SIL1: variants seen among roughly 807,000 people sequenced by gnomAD.
SIL1 encodes the protein SIL1 nucleotide exchange factor, also known as nucleotide exchange factor SIL1.
SIL1 carries 40 observed loss-of-function variants against 49.1 expected under a neutral mutation model. The ratio of observed to expected loss-of-function variants is 0.81; its 90% CI spans 0.63 to 1.06. SIL1 has a LOEUF of 1.06. Ranked by LOEUF, SIL1 falls within the 50% of genes least tolerant of loss-of-function variation. SIL1 has a pLI of 0.00. For synonymous variants in SIL1, 253 were observed against 250.8 expected (o/e 1.01, Z -0.08); for missense variants, 500 against 572.6 (o/e 0.87, Z 1.29).
chr5:139,165,194 A>G (rs1258113922), intron 1 of SIL1, among the ~76,000 whole-genome samples: 1 of 152,228 alleles, frequency 6.6e-6, no homozygotes, highest in Non-Finnish European at 1.5e-5. Flanking sequence ...CTTGGTCTCC[A>G]CAATCCTTTA....
intron 3 of SIL1, among the ~76,000 whole-genome samples, chr5:139,095,848 A>T (rs1005297950): frequency 2.6e-5 from 4 of 152,010 alleles, no homozygotes; most frequent in East Asian, 1.9e-4. Context: ...AAAAAAAAAA[A>T]TTTAAAGAAA....
chr5:138,981,891 C>T (rs947803791), intron 7 of SIL1, among the ~76,000 whole-genome samples: 1 of 152,112 alleles, frequency 6.6e-6, no homozygotes, highest in Non-Finnish European at 1.5e-5. Flanking sequence ...GGTTAGAAGT[C>T]TGGCTTTGAA....
At chr5:139,067,008 T>C (rs1299623056) in intron 3 of SIL1, among the ~76,000 whole-genome samples, 4 of 152,230 alleles carry the variant, frequency 2.6e-5, no homozygotes, top group Non-Finnish European at 5.9e-5. Context: ...GTATTATTCT[T>C]GAAGTCAGAA....
intron 1 of SIL1, among the ~76,000 whole-genome samples, chr5:139,196,061 G>A (rs191011854): frequency 2.0e-5 from 3 of 152,222 alleles, no homozygotes; most frequent in Admixed American, 6.5e-5. Context: ...CTGGTGGTGC[G>A]CCCCTGTAGT....
At chr5:139,137,478 C>T (rs1477284756) in intron 1 of SIL1, 7 of 561,282 alleles carry the variant, frequency 1.2e-5, no homozygotes, top group Non-Finnish European at 1.9e-5. Context: ...ATTTGTTCTG[C>T]AACAGTATAA....
At chr5:139,047,024 A>G (rs1769182209) in intron 4 of SIL1, among the ~76,000 whole-genome samples, 1 of 152,140 alleles carries the variant, frequency 6.6e-6, no homozygotes, top group African/African-American at 2.4e-5. Flanking sequence ...TGGGCACTCA[A>G]TAGGTTTTTG....
intron 1 of SIL1, among the ~76,000 whole-genome samples, chr5:139,163,691 T>C (rs984104791): frequency 6.6e-6 from 1 of 152,176 alleles, no homozygotes; most frequent in Non-Finnish European, 1.5e-5. Flanking sequence ...TTTTAATTTA[T>C]CAGTTATTAA....
At position 139,121,098 on chromosome 5, in the gene SIL1, C is replaced by T. The variant is rs1403348127; in HGVS notation, c.181G>A (p.Glu61Lys). The change falls in exon 3 of 10, where the codon GAG (glutamate) becomes AAG (lysine). Residue 61 changes from glutamate to lysine, a missense_variant. Coordinates refer to ENST00000394817, the MANE Select transcript of SIL1 (RefSeq NM_022464.5). ...ACCTCCAGGACTTCGGCATCCAGCT[C>T]CTCCTCGGCTTTGGTTTCTTTTCTC... ...TERKETKAEE[E>K]LDAEVLEVFH... 6.2e-6 allele frequency: 10 copies of T among 1,614,198 alleles called. No individual in the cohort carries two copies. Among genetic ancestry groups the T allele is most frequent in the Non-Finnish European group, 8.5e-6 (10 of 1,180,034 alleles).
chr5:139,027,035 T>A, intron 5 of SIL1, 43 bp from the exon 6 acceptor site: 1 of 1,601,702 alleles, frequency 6.2e-7, no homozygotes, highest in South Asian at 1.1e-5. Context: ...GTTGGAGACA[T>A]CTGCCCAAGA....
At chr5:138,965,989 T>C (rs960874788) in intron 7 of SIL1, among the ~76,000 whole-genome samples, 1 of 151,986 alleles carries the variant, frequency 6.6e-6, no homozygotes. Flanking sequence ...CTTAAAAGTA[T>C]CCCATTTTGG....
intron 3 of SIL1, among the ~76,000 whole-genome samples, chr5:139,112,035 C>T (rs946821720): frequency 1.3e-5 from 2 of 152,202 alleles, no homozygotes; most frequent in African/African-American, 2.4e-5. Context: ...TTGCTGGAGA[C>T]GGGGTTTCGC....
chr5:139,161,815 C>G (rs1160865093), intron 1 of SIL1, among the ~76,000 whole-genome samples: 2 of 151,896 alleles, frequency 1.3e-5, no homozygotes, highest in African/African-American at 4.8e-5. Flanking sequence ...GAGTTTGAGA[C>G]CAGACTGGGC....
chr5:138,956,843 A>G (rs1203808555), intron 7 of SIL1, among the ~76,000 whole-genome samples: 1 of 152,174 alleles, frequency 6.6e-6, no homozygotes, highest in Non-Finnish European at 1.5e-5. Flanking sequence ...AAAACACTGT[A>G]CAAATCTTCC....
chr5:138,974,196 G>C (rs751246586), intron 7 of SIL1, among the ~76,000 whole-genome samples: 1 of 152,114 alleles, frequency 6.6e-6, no homozygotes, highest in Non-Finnish European at 1.5e-5. Flanking sequence ...GCTGCAACGG[G>C]GTCTCTCTCT....
chr5:139,169,278 C>T (rs1284437642), intron 1 of SIL1, among the ~76,000 whole-genome samples: 1 of 152,198 alleles, frequency 6.6e-6, no homozygotes, highest in Non-Finnish European at 1.5e-5. Context: ...ACACCTGAGG[C>T]TGATCCTCAG....
chr5:139,185,521 T>A lies in SIL1; in HGVS notation c.-11+12748A>T, dbSNP rs556438321. Among the ~76,000 whole-genome samples the A allele has an allele frequency of 5.9e-5, 9 of 152,366 alleles. No homozygotes were observed. The South Asian group carries it at 1.9e-3, about 32-fold the overall frequency. On this transcript the variant is annotated intron_variant, in intron 1 of 9. Transcript: ENST00000394817. ...CATAGTAAAATTGGTTTTGTATACA[T>A]TTCACTTAAAGTCACAGTTTCCAAG... is the stretch of plus-strand genomic sequence containing the variant.
intron 3 of SIL1, among the ~76,000 whole-genome samples, chr5:139,114,418 C>T (rs753526393): frequency 2.0e-5 from 3 of 152,174 alleles, no homozygotes; most frequent in Non-Finnish European, 4.4e-5. Context: ...TCCAGCCCAC[C>T]ATCTTTTTTT....
intron 7 of SIL1, among the ~76,000 whole-genome samples, chr5:138,962,463 T>C (rs1183047106): frequency 6.6e-6 from 1 of 152,262 alleles, no homozygotes; most frequent in Admixed American, 6.5e-5. Flanking sequence ...CCTCAGTTTC[T>C]GCATTTGTAA....
chr5:138,962,453 C>T (rs1176762930), intron 7 of SIL1, among the ~76,000 whole-genome samples: 1 of 152,098 alleles, frequency 6.6e-6, no homozygotes, highest in Non-Finnish European at 1.5e-5. Context: ...CCTCTCTGTA[C>T]CTCAGTTTCT....
Sources: gnomAD v4.1 joint callset for allele counts (sites outside exome capture counted in the v4.1 genomes callset) on GRCh38, gnomAD v4.1.1 for gene constraint, MANE v1.5 for transcripts, NCBI Gene and HGNC (gene_info 2026-07-23, HGNC 2026-07-21) for gene names.